Variants in NINJ2 observed in about 807,000 individuals in gnomAD.
NINJ2 encodes ninjurin-2.
Under a neutral mutation model 11.7 loss-of-function variants are expected in NINJ2, and 12 were observed. The observed-to-expected ratio is 1.02, with a 90% CI of 0.66 to 1.66. The LOEUF is 1.66. NINJ2 is among the 40% of genes most tolerant of loss of function. The pLI, the probability that NINJ2 is intolerant of heterozygous loss-of-function variation, is 0.00. For synonymous variants in NINJ2, 93 were observed against 76.8 expected (o/e 1.21, Z -1.10); for missense variants, 187 against 181.8 (o/e 1.03, Z -0.16).
intron 1 of NINJ2, among the ~76,000 whole-genome samples, chr12:607,377 ATG>A: frequency 6.6e-6 from 1 of 152,130 alleles, no homozygotes; most frequent in African/African-American, 2.4e-5. Context: ...GATGATGATG[ATG>A]ACGACTGGAG....
intron 1 of NINJ2, among the ~76,000 whole-genome samples, chr12:579,470 G>T (rs1382239991): frequency 6.6e-6 from 1 of 151,544 alleles, no homozygotes; most frequent in Non-Finnish European, 1.5e-5. Context: ...GTTAAGCTTG[G>T]ACATGGAGTC....
At chr12:611,215 T>TTC (rs1948024504) in intron 1 of NINJ2, among the ~76,000 whole-genome samples, 2 of 140,596 alleles carry the variant, frequency 1.4e-5, no homozygotes, top group Admixed American at 7.7e-5. Context: ...CTTTCCCTCT[T>TTC]TCTTTCTTTC....
intron 1 of NINJ2, among the ~76,000 whole-genome samples, chr12:594,981 T>G (rs752787834): frequency 3.3e-5 from 5 of 152,182 alleles, no homozygotes; most frequent in Non-Finnish European, 7.3e-5. Flanking sequence ...ATCAAAAGGA[T>G]AGACAAGTAG....
At chr12:594,840 A>G (rs899874748) in intron 1 of NINJ2, among the ~76,000 whole-genome samples, 1 of 152,252 alleles carries the variant, frequency 6.6e-6, no homozygotes, top group African/African-American at 2.4e-5. Context: ...TCTAAAGTTT[A>G]CATAGAGAGG....
At chr12:656,758 A>G (rs552817804) in intron 1 of NINJ2, among the ~76,000 whole-genome samples, 1 of 152,018 alleles carries the variant, frequency 6.6e-6, no homozygotes, top group Non-Finnish European at 1.5e-5. Flanking sequence ...CAAAAAAAAA[A>G]AAAAATTACT....
intron 1 of NINJ2, among the ~76,000 whole-genome samples, chr12:582,122 C>T (rs1455896020): frequency 6.6e-6 from 1 of 152,224 alleles, no homozygotes; most frequent in Non-Finnish European, 1.5e-5. Context: ...GATTTGAACC[C>T]GGGTCTGTCC....
At chr12:654,367 A>C (rs1289277071) in intron 1 of NINJ2, among the ~76,000 whole-genome samples, 4 of 151,906 alleles carry the variant, frequency 2.6e-5, no homozygotes, top group African/African-American at 9.7e-5. Flanking sequence ...CTAAAAATAT[A>C]AAAATTAGCC....
At chr12:604,101 T>C (rs1947906876) in intron 1 of NINJ2, among the ~76,000 whole-genome samples, 3 of 152,230 alleles carry the variant, frequency 2.0e-5, no homozygotes, top group Admixed American at 1.3e-4. Context: ...CAGCCTTCTT[T>C]TTCAAGATCA....
chr12:643,497 C>G, intron 1 of NINJ2: 1 of 988,226 alleles, frequency 1.0e-6, no homozygotes, highest in Non-Finnish European at 1.2e-6. Flanking sequence ...ACGGCTTTGT[C>G]CCTGGAACTG....
intron 1 of NINJ2, among the ~76,000 whole-genome samples, chr12:608,692 C>A (rs908305627): frequency 5.3e-5 from 8 of 151,290 alleles, no homozygotes; most frequent in African/African-American, 1.7e-4. Context: ...CCCTCACTAG[C>A]TAGCTGGCTT....
At chr12:598,427 T>G (rs990345649) in intron 1 of NINJ2, among the ~76,000 whole-genome samples, 2 of 152,180 alleles carry the variant, frequency 1.3e-5, no homozygotes, top group African/African-American at 2.4e-5. Context: ...TGCCCGAGCT[T>G]GCCCATCTTA....
intron 1 of NINJ2, among the ~76,000 whole-genome samples, chr12:620,294 C>A (rs1948137005): frequency 6.6e-6 from 1 of 152,180 alleles, no homozygotes; most frequent in Admixed American, 6.5e-5. Context: ...TTTCCTAGAC[C>A]ACAGTTTCTT....
At chr12:600,653 GGTGTGTGTGTGTGTGTGTGTGT>G (rs58255968) in intron 1 of NINJ2, among the ~76,000 whole-genome samples, 1 of 141,948 alleles carries the variant, frequency 7.0e-6, no homozygotes, top group Non-Finnish European at 1.5e-5. Flanking sequence ...ATTTTTTTGG[GGTGTGTGTGTGTGTGTGTGTGT>G]GTGTGTGTGT....
chr12:636,009 A>G (rs1424773585), intron 1 of NINJ2, among the ~76,000 whole-genome samples: 2 of 152,166 alleles, frequency 1.3e-5, no homozygotes, highest in African/African-American at 4.8e-5. Flanking sequence ...CCTGGGACGC[A>G]GAGGTTGCAG....
chr12:619,953 G>A (rs1252260009), intron 1 of NINJ2, among the ~76,000 whole-genome samples: 1 of 152,250 alleles, frequency 6.6e-6, no homozygotes, highest in Non-Finnish European at 1.5e-5. Flanking sequence ...TGAGGACTAA[G>A]TGAGGGAGGG....
chr12:651,835 G>A (rs1418702310), intron 1 of NINJ2, among the ~76,000 whole-genome samples: 3 of 152,154 alleles, frequency 2.0e-5, no homozygotes, highest in Non-Finnish European at 2.9e-5. Flanking sequence ...ATTAGTAGAC[G>A]GGTCATGGCT....
At chr12:634,555 G>A (rs376068606) in intron 1 of NINJ2, among the ~76,000 whole-genome samples, 1 of 151,712 alleles carries the variant, frequency 6.6e-6, no homozygotes, top group African/African-American at 2.4e-5. Context: ...CACCGCGCCC[G>A]GCCTAGTTGC....
At chr12:616,623 G>T (rs1381671413) in intron 1 of NINJ2, among the ~76,000 whole-genome samples, 1 of 152,194 alleles carries the variant, frequency 6.6e-6, no homozygotes, top group African/African-American at 2.4e-5. Flanking sequence ...TAGGAAAGAG[G>T]CCACGATGCC....
chr12:631,244 A>G (rs530595386), intron 1 of NINJ2, among the ~76,000 whole-genome samples: 11 of 151,974 alleles, frequency 7.2e-5, no homozygotes, highest in Non-Finnish European at 1.2e-4. Flanking sequence ...CAAACGGAAG[A>G]TCCTCCCGCC....
Sources: allele counts gnomAD v4.1 joint callset (sites outside exome capture counted in the v4.1 genomes callset), GRCh38; gene constraint gnomAD v4.1.1; transcripts MANE v1.5; gene names NCBI Gene and HGNC (gene_info 2026-07-23, HGNC 2026-07-21).